The following ACO2 variants were observed in gnomAD, a reference collection of about 807,000 sequenced individuals.
ACO2 encodes the protein aconitate hydratase, mitochondrial.
ACO2 carries 31 observed loss-of-function variants against 84.5 expected under a neutral mutation model. The observed-to-expected ratio is 0.37, with a 90% CI of 0.28 to 0.50. The LOEUF is 0.50. Ranked by LOEUF, ACO2 falls within the 20% of genes least tolerant of loss-of-function variation. The pLI, the probability that ACO2 is intolerant of heterozygous loss-of-function variation, is 0.97. For missense variants in ACO2, 685 were observed against 1,029.3 expected, an observed-to-expected ratio of 0.67 and a Z score of 4.58; for synonymous variants, 414 against 412.7, an observed-to-expected ratio of 1.00 and a Z score of -0.04.
intron 17 of ACO2, 29 bp from the exon 18 acceptor site, chr22:41,528,450 T>A (rs190864956): frequency 1.2e-6 from 2 of 1,609,546 alleles, no homozygotes; most frequent in Admixed American, 3.3e-5. Flanking sequence ...TACCCACCAC[T>A]TCCACCCACA....
chr22:41,523,949 TG>T lies in ACO2; in HGVS notation c.1482+9del. Reference sequence around the variant, plus strand: ...TTTGTCACGTCCCCAGAGGTGAGACTGCCCAGCTGCGCACAAGCCTGGGATG... The same window carrying T: ...TTTGTCACGTCCCCAGAGGTGAGACTCCCAGCTGCGCACAAGCCTGGGATG... On this transcript the variant is annotated intron_variant, in intron 12 of 17. Coordinates refer to ENST00000216254, the MANE Select transcript of ACO2 (RefSeq NM_001098.3). 6.2e-7 allele frequency: 1 copy of T among 1,611,776 alleles called. No homozygotes were observed. The highest frequency in any genetic ancestry group is 8.5e-7 in the Non-Finnish European group (1 of 1,178,598).
chr22:41,511,167 TTATTTTATTCTTATTTTTA>T (rs2146119441), intron 3 of ACO2, among the ~76,000 whole-genome samples: 1 of 151,984 alleles, frequency 6.6e-6, no homozygotes, highest in Admixed American at 6.6e-5. Context: ...TAATTTTTAT[TTATTTTATTCTTATTTTTA>T]TTTTTTGAGA....
intron 1 of ACO2, among the ~76,000 whole-genome samples, chr22:41,474,494 C>T (rs528633484): frequency 1.3e-5 from 2 of 148,836 alleles, no homozygotes; most frequent in East Asian, 2.0e-4. Context: ...ACGGGTTTCA[C>T]GTGTTAGCCA....
chr22:41,488,427 C>T (rs761388120), intron 1 of ACO2, among the ~76,000 whole-genome samples: 4 of 152,158 alleles, frequency 2.6e-5, no homozygotes, highest in Non-Finnish European at 4.4e-5. Flanking sequence ...TTGGAAGCCT[C>T]ATGGTAACAG....
rs2066624067 is a variant in ACO2, at chr22:41,527,431, G to A, written c.2086+11G>A. On this transcript the variant is annotated intron_variant, in intron 16 of 17. Coordinates refer to ENST00000216254, the MANE Select transcript of ACO2 (RefSeq NM_001098.3). ...TTGCCAGGATCCACGGTGAGCTGGAGTCTGTACCCAGGCCATCCTCATCCC... is the reference window on the plus strand; with the variant it reads ...TTGCCAGGATCCACGGTGAGCTGGAATCTGTACCCAGGCCATCCTCATCCC... 2 of 1,605,032 alleles carry A rather than the reference G, an allele frequency of 1.2e-6. No homozygotes were observed. The highest frequency in any genetic ancestry group is 1.7e-6 in the Non-Finnish European group (2 of 1,176,172).
intron 1 of ACO2, among the ~76,000 whole-genome samples, chr22:41,486,054 G>C (rs1036493486): frequency 1.3e-5 from 2 of 152,144 alleles, no homozygotes; most frequent in Admixed American, 1.3e-4. Context: ...GAAGCCTTGT[G>C]GAAACATCCC....
At chr22:41,514,742 G>A (rs750820365) in intron 4 of ACO2, among the ~76,000 whole-genome samples, 5 of 152,272 alleles carry the variant, frequency 3.3e-5, no homozygotes, top group Non-Finnish European at 5.9e-5. Context: ...GAGCGCCTCA[G>A]TGAAGGGAGT....
Position 41,515,894 on chromosome 22 carries a change from G to A in ACO2, c.812G>A (p.Gly271Asp). 1 of 1,614,162 alleles carries A rather than the reference G, an allele frequency of 6.2e-7. No individual in the cohort carries two copies. The highest frequency in any genetic ancestry group is 8.5e-7 in the Non-Finnish European group (1 of 1,179,988). ...TGAIVEYHGP[G>D]VDSISCTGMA... ...GCAATCGTGGAATACCACGGGCCTGGTGTAGACTCCATCTCCTGCACTGGT... is the reference window on the plus strand; with the variant it reads ...GCAATCGTGGAATACCACGGGCCTGATGTAGACTCCATCTCCTGCACTGGT... Residue 271 changes from glycine to aspartate, a missense_variant, in exon 6 of 18, where the codon GGT becomes GAT. Around this residue, in one of 5 missense-constraint regions of ACO2, gnomAD observed 311 missense variants for 441.6 expected, o/e 0.70. Transcript: ENST00000216254. This position sits in a 1 kb window ranked among gnomAD's most constrained non-coding sequence, Gnocchi z 5.8.
At chr22:41,469,344 C>T (rs757302347) in intron 1 of ACO2, 162 bp downstream of exon 1, 1 of 793,870 alleles carries the variant, frequency 1.3e-6, no homozygotes, top group Non-Finnish European at 1.9e-6. Flanking sequence ...CTCTGGTGCC[C>T]TAGGTCAAGG....
chr22:41,512,599 C>T (rs755044275), intron 4 of ACO2, among the ~76,000 whole-genome samples: 2 of 152,190 alleles, frequency 1.3e-5, no homozygotes, highest in Non-Finnish European at 2.9e-5. Flanking sequence ...CCCCAGAGCT[C>T]TTTCTGCTTC....
At chr22:41,473,126 G>C (rs1180442341) in intron 1 of ACO2, among the ~76,000 whole-genome samples, 1 of 152,188 alleles carries the variant, frequency 6.6e-6, no homozygotes, top group African/African-American at 2.4e-5. Context: ...TTCCATCTTA[G>C]ATGTGGACAG....
intron 3 of ACO2, among the ~76,000 whole-genome samples, chr22:41,510,462 G>C (rs1234156482): frequency 6.6e-6 from 1 of 152,226 alleles, no homozygotes; most frequent in Non-Finnish European, 1.5e-5. Flanking sequence ...CTCTTACCTG[G>C]GGGAACCCAG....
intron 1 of ACO2, among the ~76,000 whole-genome samples, chr22:41,492,897 T>G (rs2066282735): frequency 6.6e-6 from 1 of 152,120 alleles, no homozygotes; most frequent in Admixed American, 6.6e-5. Context: ...TGAGACGAGA[T>G]AGCGCCACTG....
At chr22:41,527,173 A>C in intron 15 of ACO2, 115 bp from the exon 16 acceptor site, 2 of 1,514,280 alleles carry the variant, frequency 1.3e-6, no homozygotes, top group South Asian at 2.3e-5. Flanking sequence ...CAGCCCCTTT[A>C]CCGGGAGCCT....
chr22:41,511,055 G>A (rs2066429691), intron 3 of ACO2, among the ~76,000 whole-genome samples: 1 of 152,228 alleles, frequency 6.6e-6, no homozygotes, highest in Non-Finnish European at 1.5e-5. Flanking sequence ...ACTCAGGCTG[G>A]AGTGTAGTGG....
intron 1 of ACO2, among the ~76,000 whole-genome samples, chr22:41,499,107 A>G (rs1481777305): frequency 2.0e-5 from 3 of 151,604 alleles, no homozygotes; most frequent in African/African-American, 7.3e-5. Context: ...AAAAAAAAAA[A>G]GGAAGGGAAT....
intron 4 of ACO2, among the ~76,000 whole-genome samples, chr22:41,514,827 C>G (rs947405774): frequency 6.6e-6 from 1 of 152,246 alleles, no homozygotes; most frequent in African/African-American, 2.4e-5. Flanking sequence ...TCAGAGCCAC[C>G]TCCAGATGCT....
chr22:41,494,234 G>C (rs2066294982), intron 1 of ACO2, among the ~76,000 whole-genome samples: 1 of 152,130 alleles, frequency 6.6e-6, no homozygotes, highest in Non-Finnish European at 1.5e-5. Context: ...TGGGGCAACA[G>C]CAGGCACGTG....
chr22:41,517,504 C>A (rs1468526698), intron 6 of ACO2, 23 bp from the exon 7 acceptor site: 13 of 1,607,024 alleles, frequency 8.1e-6, no homozygotes, highest in Non-Finnish European at 1.0e-5. Flanking sequence ...CCAGCCAATG[C>A]CCGGGGCTCT....
Sources: allele counts gnomAD v4.1 joint callset (sites outside exome capture counted in the v4.1 genomes callset), GRCh38; gene constraint gnomAD v4.1.1; regional missense constraint gnomAD v4.1.1; non-coding constraint Gnocchi (gnomAD v3.1); transcripts MANE v1.5; gene names NCBI Gene and HGNC (gene_info 2026-07-23, HGNC 2026-07-21).